Variants in DRC11 observed in about 807,000 individuals in gnomAD.
DRC11 encodes the protein IQ and AAA domain-containing protein 1.
At chr2:236,381,331 G>C in the DRC11 span, among the ~76,000 whole-genome samples, 3 of 151,652 alleles carry the variant, frequency 2.0e-5, no homozygotes, top group African/African-American at 7.3e-5. The surrounding 1 kb of genome is among the most constrained non-coding windows in gnomAD (Gnocchi z 5.8). Context: ...CGTTGTTATA[G>C]CAGTCCAAAC....
the DRC11 span, among the ~76,000 whole-genome samples, chr2:236,397,390 A>G: frequency 1.3e-5 from 2 of 152,174 alleles, no homozygotes; most frequent in African/African-American, 4.8e-5. This position sits in a 1 kb window ranked among gnomAD's most constrained non-coding sequence, Gnocchi z 5.0. Context: ...AGTGAAGGAC[A>G]GCTTTCAGAT....
At chr2:236,487,986 C>A in the DRC11 span, 1 of 1,538,674 alleles carries the variant, frequency 6.5e-7, no homozygotes, top group Non-Finnish European at 8.7e-7. Flanking sequence ...ACTCCAGGAG[C>A]CCTAGGTTTG....
the DRC11 span, among the ~76,000 whole-genome samples, chr2:236,428,352 T>C: frequency 6.6e-6 from 1 of 152,206 alleles, no homozygotes; most frequent in Non-Finnish European, 1.5e-5. Flanking sequence ...CCTACTATTA[T>C]TGTATTATAA....
At chr2:236,405,729 T>G in the DRC11 span, among the ~76,000 whole-genome samples, 1 of 152,182 alleles carries the variant, frequency 6.6e-6, no homozygotes, top group Non-Finnish European at 1.5e-5. This position sits in a 1 kb window ranked among gnomAD's most constrained non-coding sequence, Gnocchi z 4.6. Context: ...AAGACCCCAG[T>G]GCACACCTGA....
the DRC11 span, among the ~76,000 whole-genome samples, chr2:236,445,000 G>A: frequency 1.1e-4 from 16 of 152,326 alleles, no homozygotes; most frequent in African/African-American, 3.6e-4. Context: ...CCACAGACCC[G>A]TGCATCGCCC....
the DRC11 span, among the ~76,000 whole-genome samples, chr2:236,459,576 C>CGTACGTATATACATAT: frequency 5.5e-5 from 7 of 126,234 alleles, no homozygotes; most frequent in African/African-American, 2.0e-4. Context: ...TATGTGTATA[C>CGTACGTATATACATAT]ATACGTATAT....
chr2:236,397,143 C>G, the DRC11 span, among the ~76,000 whole-genome samples: 1 of 152,152 alleles, frequency 6.6e-6, no homozygotes, highest in Non-Finnish European at 1.5e-5. This position sits in a 1 kb window ranked among gnomAD's most constrained non-coding sequence, Gnocchi z 5.0. Context: ...GATCTGGTTT[C>G]GTGGAAGCTC....
the DRC11 span, among the ~76,000 whole-genome samples, chr2:236,419,879 C>T: frequency 6.6e-6 from 1 of 152,172 alleles, no homozygotes; most frequent in Non-Finnish European, 1.5e-5. The surrounding 1 kb of genome is among the most constrained non-coding windows in gnomAD (Gnocchi z 4.8). Flanking sequence ...ACATATAATT[C>T]AGTTCAATAC....
chr2:236,438,660 T>A, the DRC11 span, among the ~76,000 whole-genome samples: 1 of 152,100 alleles, frequency 6.6e-6, no homozygotes, highest in Admixed American at 6.5e-5. Context: ...GTCCTTCACA[T>A]CCCTTGTAAG....
chr2:236,356,891 TATA>T, the DRC11 span, among the ~76,000 whole-genome samples: 6,335 of 132,962 alleles, frequency 0.048, 179 homozygotes, highest in African/African-American at 0.052. Context: ...TTATACTTTT[TATA>T]ATATGTATAT....
chr2:236,350,024 T>C, the DRC11 span, among the ~76,000 whole-genome samples: 1 of 152,234 alleles, frequency 6.6e-6, no homozygotes, highest in African/African-American at 2.4e-5. The surrounding 1 kb of genome is among the most constrained non-coding windows in gnomAD (Gnocchi z 5.2). Context: ...TCAACCCAGA[T>C]GGGAATTGCA....
At chr2:236,465,480 A>G in the DRC11 span, 1 of 1,594,040 alleles carries the variant, frequency 6.3e-7, no homozygotes. The surrounding 1 kb of genome is among the most constrained non-coding windows in gnomAD (Gnocchi z 6.2). Flanking sequence ...CAGACTGGAT[A>G]TGTCACGATG....
the DRC11 span, among the ~76,000 whole-genome samples, chr2:236,414,123 G>A: frequency 6.6e-6 from 1 of 152,118 alleles, no homozygotes; most frequent in Admixed American, 6.5e-5. Context: ...TATATTCTAG[G>A]TGCTAATCCT....
At chr2:236,505,979 A>C in the DRC11 span, among the ~76,000 whole-genome samples, 1 of 152,132 alleles carries the variant, frequency 6.6e-6, no homozygotes, top group Admixed American at 6.5e-5. Flanking sequence ...CTCTCCCCCT[A>C]CATTCACTTG....
chr2:236,491,475 G>C, the DRC11 span, among the ~76,000 whole-genome samples: 1 of 151,696 alleles, frequency 6.6e-6, no homozygotes, highest in African/African-American at 2.4e-5. Context: ...AAGCCTGTCT[G>C]CTCTGACTGA....
the DRC11 span, among the ~76,000 whole-genome samples, chr2:236,382,735 T>C: frequency 1.3e-5 from 2 of 152,206 alleles, no homozygotes. Context: ...TTGGTGTCTA[T>C]GTATTCATTG....
chr2:236,379,351 C>T, the DRC11 span, among the ~76,000 whole-genome samples: 2 of 109,710 alleles, frequency 1.8e-5, no homozygotes, highest in Non-Finnish European at 3.7e-5. Flanking sequence ...AACAGGGGAG[C>T]GACAGGACCA....
the DRC11 span, chr2:236,324,535 C>A: frequency 0.16 from 89,079 of 574,690 alleles, 7,784 homozygotes; most frequent in African/African-American, 0.23. This position sits in a 1 kb window ranked among gnomAD's most constrained non-coding sequence, Gnocchi z 5.7. Context: ...AGCTCACCTG[C>A]ACACTGCTAA....
the DRC11 span, chr2:236,331,777 T>C: frequency 1.7e-6 from 1 of 597,130 alleles, no homozygotes; most frequent in Non-Finnish European, 3.0e-6. The surrounding 1 kb of genome is among the most constrained non-coding windows in gnomAD (Gnocchi z 4.8). Flanking sequence ...TAGAGAATTT[T>C]CAACCATAAG....
Sources: gnomAD v4.1 joint callset for allele counts (sites outside exome capture counted in the v4.1 genomes callset) on GRCh38, gnomAD v4.1.1 for gene constraint, Gnocchi (gnomAD v3.1) non-coding constraint, MANE v1.5 for transcripts, NCBI Gene and HGNC (gene_info 2026-07-23, HGNC 2026-07-21) for gene names.